Variants in A2M observed in about 807,000 individuals in gnomAD.
The protein encoded by A2M is C3 and PZP-like alpha-2-macroglobulin domain-containing protein 5.
Under a neutral mutation model 183.9 loss-of-function variants are expected in A2M, and 128 were observed. That is an observed-to-expected ratio of 0.70 (90% CI 0.60 to 0.81). The LOEUF (loss-of-function observed/expected upper bound fraction) is 0.81. Among genes scored for constraint, A2M ranks in the 30% least tolerant of loss-of-function variants. The pLI, the probability that A2M is intolerant of heterozygous loss-of-function variation, is 0.00. For synonymous variants in A2M, 592 were observed against 670.8 expected (o/e 0.88, Z 1.81); for missense variants, 1,495 against 1,787.6 (o/e 0.84, Z 2.95).
At chr12:9,072,182 C>G (rs908485487) in intron 31 of A2M, among the ~76,000 whole-genome samples, 177 bp downstream of exon 31, 1 of 152,148 alleles carries the variant, frequency 6.6e-6, no homozygotes, top group African/African-American at 2.4e-5. Context: ...AATAGTAGAT[C>G]CTGGATGGAC....
In A2M at chr12:9,072,891, G is replaced by A; in HGVS notation, c.3757-20C>T. ...TGTGTCCTGTTAGAGACAGATGAGT[G>A]AGAGAACCCATTGGGCATTATAAGG... On this transcript the variant is annotated intron_variant, in intron 29 of 35. Transcript: ENST00000318602. The A allele has an allele frequency of 6.2e-7, 1 of 1,601,998 alleles. No individual in the cohort carries two copies. Among genetic ancestry groups the A allele is most frequent in the Non-Finnish European group, 8.5e-7 (1 of 1,170,806 alleles).
chr12:9,084,738 A>G (rs984407073), intron 22 of A2M, among the ~76,000 whole-genome samples: 3 of 152,136 alleles, frequency 2.0e-5, no homozygotes, highest in Admixed American at 2.0e-4. Flanking sequence ...AAAGTGACTG[A>G]ATGGATTTAA....
At chr12:9,070,982 G>C (rs770040083) in intron 31 of A2M, among the ~76,000 whole-genome samples, 2 of 152,034 alleles carry the variant, frequency 1.3e-5, no homozygotes, top group African/African-American at 4.8e-5. Flanking sequence ...CACCACGTCC[G>C]ACTAATTTTG....
Position 9,106,273 on chromosome 12 carries a change from T to C in A2M, c.1067A>G (p.Asp356Gly). ...GGGAATTCCCTGTCGAAAGTGTGAG[T>C]CCACTTTCACAAATGAGAGTTTGGT... ...TITKLSFVKV[D>G]SHFRQGIPFF... is the part of the protein sequence containing the mutation. The change falls in exon 10 of 36, where the codon GAC becomes GGC. Residue 356 changes from aspartate (D) to glycine (G), a missense_variant. Asp to Gly is a moderately conservative substitution (Grantham distance 94). Transcript: ENST00000318602. 7 of 1,612,632 alleles carry C rather than the reference T, an allele frequency of 4.3e-6. No homozygotes were observed. The highest frequency in any genetic ancestry group is 5.9e-6 in the Non-Finnish European group (7 of 1,178,728).
intron 26 of A2M, 134 bp downstream of exon 26, chr12:9,077,567 C>A: frequency 2.0e-6 from 3 of 1,486,002 alleles, no homozygotes; most frequent in Non-Finnish European, 2.7e-6. Context: ...TGTTCTATCC[C>A]CTCTTTTTTG....
At chr12:9,111,938 T>C (rs1938757011) in intron 4 of A2M, 2 of 699,760 alleles carry the variant, frequency 2.9e-6, no homozygotes, top group Non-Finnish European at 5.4e-6. Context: ...TAAATTTAAT[T>C]GTGTGACAAC....
chr12:9,106,659 A>G, intron 8 of A2M, 54 bp from the exon 9 acceptor site: 1 of 889,724 alleles, frequency 1.1e-6, no homozygotes, highest in Non-Finnish European at 1.8e-6. Flanking sequence ...TACTAAATAG[A>G]TCAGTGGTCA....
In A2M at chr12:9,095,538, C is replaced by T. The variant is rs1213578730; in HGVS notation, c.2013+1G>A. The T allele has an allele frequency of 6.2e-7, 1 of 1,609,696 alleles. No individual in the cohort carries two copies. The highest frequency in any genetic ancestry group is 8.5e-7 in the Non-Finnish European group (1 of 1,177,022). On this transcript the variant is annotated splice_donor_variant, in intron 16 of 35. Coordinates refer to ENST00000318602, the MANE Select transcript of A2M (RefSeq NM_000014.6). LOFTEE classifies it high-confidence loss of function. Reference sequence around the variant, plus strand: ...GACCATCTGCAACATAAGGAGTTTACCTCTAGGAAGCTGTACATATCCTTT... The same window carrying T: ...GACCATCTGCAACATAAGGAGTTTATCTCTAGGAAGCTGTACATATCCTTT...
In A2M at chr12:9,095,549, C is replaced by G. The variant is rs773788913; in HGVS notation, c.2003G>C (p.Ser668Thr). ...ACATAAGGAGTTTACCTCTAGGAAG[C>G]TGTACATATCCTTTTCATTTGTACT... ...VSSTNEKDMYSFLEDMGLKAF... is the reference protein window; with the variant it reads ...VSSTNEKDMYTFLEDMGLKAF... The change falls in exon 16 of 36, where the codon AGC becomes ACC. Residue 668 changes from serine to threonine, a missense_variant. By Grantham distance (58) the Ser-to-Thr change is moderately conservative. Transcript: ENST00000318602. 6.2e-7 allele frequency: 1 copy of G among 1,610,700 alleles called. No individual in the cohort carries two copies. The highest frequency in any genetic ancestry group is 8.5e-7 in the Non-Finnish European group (1 of 1,177,782).
At chr12:9,110,134 A>G (rs1466622667) in intron 5 of A2M, 99 bp from the exon 6 acceptor site, 2 of 1,311,780 alleles carry the variant, frequency 1.5e-6, no homozygotes, top group Non-Finnish European at 2.1e-6. Flanking sequence ...AAAAAGGTCA[A>G]ATGGGGTAGT....
intron 6 of A2M, 137 bp downstream of exon 6, chr12:9,109,730 C>T: frequency 1.2e-6 from 1 of 825,816 alleles, no homozygotes; most frequent in Non-Finnish European, 1.9e-6. Context: ...CCTCATTGGA[C>T]TTAGGTGTAA....
Position 9,112,606 on chromosome 12 carries a change from C to T in A2M, c.271-70G>A. On this transcript the variant is annotated intron_variant, in intron 2 of 35. Transcript: ENST00000318602. ...GTCTCCTCCCCTATTTGCTGTTGCA[C>T]TCTTCCCTGGAGATCTTGCCCTTCT... is the stretch of plus-strand genomic sequence containing the variant. 3.9e-6 allele frequency: 6 copies of T among 1,557,456 alleles called. No homozygotes were observed. In the South Asian group the frequency reaches 6.9e-5, roughly 18 times the overall value.
At chr12:9,105,379 A>C (rs1346334047) in intron 10 of A2M, among the ~76,000 whole-genome samples, 2 of 152,236 alleles carry the variant, frequency 1.3e-5, no homozygotes, top group Non-Finnish European at 2.9e-5. Flanking sequence ...GAAATTTACA[A>C]ATGAGCTACA....
In A2M at chr12:9,113,380, G is replaced by C. The variant is rs771208013; in HGVS notation, c.250C>G (p.Leu84Val). ...FTDLEAENDVLHCVAFAVPKS... is the reference protein window; with the variant it reads ...FTDLEAENDVVHCVAFAVPKS... Reference sequence around the variant, plus strand: ...CTCACAGCGAAGGCGACACAGTGGAGTACGTCATTCTCCGCCTCCAGGTCA... The same window carrying C: ...CTCACAGCGAAGGCGACACAGTGGACTACGTCATTCTCCGCCTCCAGGTCA... Residue 84 changes from leucine (L) to valine (V), a missense_variant, in exon 2 of 36, where the codon CTC becomes GTC. Transcript: ENST00000318602. 6.8e-6 allele frequency: 11 copies of C among 1,613,530 alleles called. No homozygotes were observed. Among genetic ancestry groups the C allele is most frequent in the Non-Finnish European group, 8.5e-6 (10 of 1,179,878 alleles).
At chr12:9,081,487 C>T (rs1200903548) in intron 22 of A2M, among the ~76,000 whole-genome samples, 1 of 152,206 alleles carries the variant, frequency 6.6e-6, no homozygotes. Flanking sequence ...CCTCCCTCCA[C>T]AGAAAGTCCA....
intron 2 of A2M, 57 bp from the exon 3 acceptor site, chr12:9,112,593 A>C (rs1938823977): frequency 6.3e-7 from 1 of 1,592,666 alleles, no homozygotes; most frequent in Non-Finnish European, 8.6e-7. Flanking sequence ...CTCCTCCCCT[A>C]TTTGCTGTTG....
At chr12:9,114,475 T>C (rs1426926222) in intron 1 of A2M, among the ~76,000 whole-genome samples, 1 of 152,192 alleles carries the variant, frequency 6.6e-6, no homozygotes, top group East Asian at 1.9e-4. Flanking sequence ...TAATAAACAC[T>C]GTAGTATAAG....
intron 28 of A2M, among the ~76,000 whole-genome samples, chr12:9,075,734 T>A (rs1396820840): frequency 6.6e-6 from 1 of 152,204 alleles, no homozygotes; most frequent in Non-Finnish European, 1.5e-5. Context: ...TAGGGATACA[T>A]ATGCAGCAAA....
chr12:9,093,620 G>A lies in A2M; in HGVS notation c.2126-41C>T, dbSNP rs764855378. 29 of 1,113,868 alleles carry A rather than the reference G, an allele frequency of 2.6e-5. No individual in the cohort carries two copies. In the South Asian group the frequency reaches 4.2e-4, roughly 16 times the overall value. 69.0% of individuals were successfully genotyped at this position (1,113,868 alleles called of 1,614,324 possible). On this transcript the variant is annotated intron_variant, in intron 17 of 35. Transcript: ENST00000318602. ...AAGAAGACATTACAATAAACATACAGATAAAGCTTATGAGAGAATGTAATA... is the reference window on the plus strand; with the variant it reads ...AAGAAGACATTACAATAAACATACAAATAAAGCTTATGAGAGAATGTAATA...
Sources: gnomAD v4.1 joint callset for allele counts (sites outside exome capture counted in the v4.1 genomes callset) on GRCh38, gnomAD v4.1.1 for gene constraint, MANE v1.5 for transcripts, NCBI Gene and HGNC (gene_info 2026-07-23, HGNC 2026-07-21) for gene names.